COL26A1: variants seen among roughly 807,000 people sequenced by gnomAD.
The protein encoded by COL26A1 is collagen type XXVI alpha 1 chain, also known as collagen alpha-1(XXVI) chain.
COL26A1 carries 41 observed loss-of-function variants against 59.3 expected under a neutral mutation model. The observed-to-expected ratio is 0.69, with a 90% confidence interval of 0.54 to 0.90. COL26A1 has a LOEUF of 0.90. Ranked by LOEUF, COL26A1 falls within the 40% of genes least tolerant of loss-of-function variation. The pLI, the probability that COL26A1 is intolerant of heterozygous loss-of-function variation, is 0.00. For missense variants in COL26A1, 612 were observed against 602.3 expected (o/e 1.02, Z -0.17); for synonymous variants, 266 against 256.0 (o/e 1.04, Z -0.37).
intron 3 of COL26A1, among the ~76,000 whole-genome samples, chr7:101,530,069 G>A (rs1461893611): frequency 3.3e-5 from 5 of 152,140 alleles, no homozygotes; most frequent in Non-Finnish European, 4.4e-5. Context: ...AGGTAGAGGA[G>A]AGGAGGTGGA....
chr7:101,541,410 T>C (rs1365700861), intron 5 of COL26A1, among the ~76,000 whole-genome samples: 2 of 152,112 alleles, frequency 1.3e-5, no homozygotes, highest in East Asian at 3.8e-4. Context: ...AGTAGTATGA[T>C]CATAGTTCAC....
At chr7:101,442,512 A>G (rs1793083261) in intron 2 of COL26A1, among the ~76,000 whole-genome samples, 1 of 152,130 alleles carries the variant, frequency 6.6e-6, no homozygotes, top group African/African-American at 2.4e-5. Flanking sequence ...AAATATTTTG[A>G]TTTCCTTCCT....
chr7:101,460,811 A>G lies in COL26A1; in HGVS notation c.385+13024A>G, dbSNP rs140400393. ...GAAAAAAAAAAAAGAAAGAAAAGAA[A>G]ACAGCCTCATTGCGTCTACATCATT... is the stretch of plus-strand genomic sequence containing the variant. On this transcript the variant is annotated intron_variant, in intron 3 of 12. Coordinates refer to ENST00000313669, the MANE Select transcript of COL26A1 (RefSeq NM_001278563.3). Among the ~76,000 whole-genome samples, 337 of 151,380 alleles carry G rather than the reference A, an allele frequency of 2.2e-3. 1 individual carries two copies. Among genetic ancestry groups the G allele is most frequent in the African/African-American group, 7.7e-3 (320 of 41,374 alleles).
chr7:101,537,974 G>A (rs562087613), intron 4 of COL26A1, among the ~76,000 whole-genome samples: 5 of 147,394 alleles, frequency 3.4e-5, no homozygotes, highest in South Asian at 2.2e-4. Context: ...CCCCTCTCCC[G>A]TGCCCTTGTT....
intron 1 of COL26A1, among the ~76,000 whole-genome samples, chr7:101,410,140 T>G (rs570594366): frequency 2.6e-4 from 40 of 151,984 alleles, no homozygotes; most frequent in African/African-American, 9.4e-4. Context: ...CATGAACTCT[T>G]AAGGGTGTTA....
chr7:101,473,653 CAA>C (rs1349834911), intron 3 of COL26A1, among the ~76,000 whole-genome samples: 7 of 105,870 alleles, frequency 6.6e-5, no homozygotes, highest in Admixed American at 2.8e-4. Context: ...CACACACACA[CAA>C]ACACACACAA....
intron 1 of COL26A1, among the ~76,000 whole-genome samples, chr7:101,365,476 G>C (rs1791021826): frequency 6.6e-6 from 1 of 152,036 alleles, no homozygotes; most frequent in African/African-American, 2.4e-5. Flanking sequence ...TCCCAGGCTG[G>C]AGTGCAATGG....
In COL26A1 at chr7:101,539,947, GC is replaced by G; in HGVS notation, c.507del (p.Glu170ArgfsTer179). Reference protein sequence around the residue: ...RPSSPDNDLPAPESTPPTWNE... With the variant: ...RPSSPDNDLPXPESTPPTWNE... ...CTCCAGCCCGGACAACGACCTGCCA[GC>G]CCCCGAGAGCACTCCGCCGACCTGG... On this transcript the variant is annotated frameshift_variant, in exon 5 of 13. Transcript: ENST00000313669. LOFTEE classifies it high-confidence loss of function. The G allele has an allele frequency of 6.2e-7, 1 of 1,613,632 alleles. No homozygotes were observed.
intron 2 of COL26A1, among the ~76,000 whole-genome samples, chr7:101,439,987 G>A (rs1378091310): frequency 2.0e-5 from 3 of 152,080 alleles, no homozygotes; most frequent in African/African-American, 7.2e-5. Context: ...AACTGAGTGC[G>A]GCCTTAAGGC....
intron 5 of COL26A1, among the ~76,000 whole-genome samples, chr7:101,542,334 C>G (rs927320683): frequency 2.0e-5 from 3 of 152,190 alleles, no homozygotes; most frequent in Non-Finnish European, 2.9e-5. Context: ...AACTCCTGAC[C>G]TCAAGTGATC....
intron 3 of COL26A1, among the ~76,000 whole-genome samples, chr7:101,502,537 C>T (rs894792615): frequency 7.2e-5 from 11 of 152,212 alleles, no homozygotes; most frequent in Non-Finnish European, 2.9e-5. Flanking sequence ...GAAACTCCTG[C>T]CAAGCTGGAG....
intron 3 of COL26A1, among the ~76,000 whole-genome samples, chr7:101,461,377 C>T (rs1793607628): frequency 1.3e-5 from 2 of 151,504 alleles, no homozygotes; most frequent in Admixed American, 1.3e-4. Context: ...CAGCTCCCTG[C>T]AACCTCCGCC....
At chr7:101,522,711 C>CT (rs1348056933) in intron 3 of COL26A1, among the ~76,000 whole-genome samples, 15 of 152,078 alleles carry the variant, frequency 9.9e-5, no homozygotes, top group African/African-American at 3.6e-4. Context: ...TATATTCAGC[C>CT]TTATTAGAGA....
At chr7:101,363,322 C>T in intron 1 of COL26A1, 132 bp downstream of exon 1, 1 of 742,294 alleles carries the variant, frequency 1.3e-6, no homozygotes, top group Non-Finnish European at 2.0e-6. Flanking sequence ...GGGCGCAGGG[C>T]AGCGGGGACT....
rs775743915 is a variant in COL26A1, at chr7:101,416,701, T to C, written c.159-3276T>C. 1.3e-4 allele frequency among the ~76,000 whole-genome samples: 18 copies of C among 143,826 alleles called. 4 individuals are homozygous for C. The highest frequency in any genetic ancestry group is 1.9e-4 in the Non-Finnish European group (12 of 63,482). 94.4% of individuals were successfully genotyped at this position (143,826 alleles called of 152,430 possible). A position where few individuals can be genotyped will look rare whatever the true frequency, so the allele number is the denominator to read the frequency against. ...GTTTCCATTCTGTTTTTCATAGTCA[T>C]ACATTTCACTTCTAAGATAATGCAT... is the stretch of plus-strand genomic sequence containing the variant. On this transcript the variant is annotated intron_variant, in intron 1 of 12. Transcript: ENST00000313669.
chr7:101,467,808 A>G (rs1194079582), intron 3 of COL26A1, among the ~76,000 whole-genome samples: 2 of 152,136 alleles, frequency 1.3e-5, no homozygotes, highest in African/African-American at 4.8e-5. Flanking sequence ...CAGGGCTTGC[A>G]GTGAGCCGAG....
chr7:101,402,981 G>A (rs1239348959), intron 1 of COL26A1, among the ~76,000 whole-genome samples: 1 of 151,804 alleles, frequency 6.6e-6, no homozygotes, highest in Non-Finnish European at 1.5e-5. Context: ...GAGTAGCTGG[G>A]ATTAGTCACG....
chr7:101,412,266 C>T (rs998027631), intron 1 of COL26A1, among the ~76,000 whole-genome samples: 2 of 152,102 alleles, frequency 1.3e-5, no homozygotes, highest in African/African-American at 4.8e-5. Flanking sequence ...GAGTTACCAC[C>T]CCTTTCCATG....
chr7:101,489,617 CTTT>C (rs1794343730), intron 3 of COL26A1, among the ~76,000 whole-genome samples: 1 of 52,542 alleles, frequency 1.9e-5, no homozygotes, highest in Non-Finnish European at 3.3e-5. Flanking sequence ...TTCTTTCTTT[CTTT>C]CTTTCTTTCT....
Sources: allele counts gnomAD v4.1 joint callset (sites outside exome capture counted in the v4.1 genomes callset), GRCh38; gene constraint gnomAD v4.1.1; transcripts MANE v1.5; gene names NCBI Gene and HGNC (gene_info 2026-07-23, HGNC 2026-07-21).